Variants in HEATR5A observed in about 807,000 individuals in gnomAD.
HEATR5A encodes the protein HEAT repeat containing 5A.
In HEATR5A, 178 loss-of-function variants were observed where a neutral mutation model predicts 218.8. That is an observed-to-expected ratio of 0.81 (90% CI 0.72 to 0.92). HEATR5A has a LOEUF of 0.92. HEATR5A is among the 40% of genes least tolerant of loss of function. HEATR5A has a pLI of 0.00. For synonymous variants in HEATR5A, 864 were observed against 871.6 expected (o/e 0.99, Z 0.15); for missense variants, 2,420 against 2,418.9 (o/e 1.00, Z -0.01).
chr14:31,298,328 C>A (rs945834310), intron 33 of HEATR5A, among the ~76,000 whole-genome samples: 1 of 152,196 alleles, frequency 6.6e-6, no homozygotes, highest in South Asian at 2.1e-4. Context: ...TCCTTAATTT[C>A]TCTTAGTAGC....
chr14:31,325,881 G>C (rs1415570760), intron 23 of HEATR5A: 5 of 414,228 alleles, frequency 1.2e-5, no homozygotes, highest in African/African-American at 2.0e-5. Flanking sequence ...ACACCTTTTA[G>C]GGCATAAACA....
chr14:31,297,773 G>A (rs767607124), intron 33 of HEATR5A: 15 of 152,082 alleles, frequency 9.9e-5, no homozygotes, highest in African/African-American at 3.6e-4. Context: ...CATGAGGTAG[G>A]TACTCTTATT....
At chr14:31,416,925 A>G (rs1362611579) in intron 1 of HEATR5A, among the ~76,000 whole-genome samples, 1 of 152,026 alleles carries the variant, frequency 6.6e-6, no homozygotes, top group African/African-American at 2.4e-5. Flanking sequence ...GACATAGCAA[A>G]ACCGCCTCTC....
At chr14:31,377,303 T>C (rs1425267986) in intron 11 of HEATR5A, among the ~76,000 whole-genome samples, 2 of 152,014 alleles carry the variant, frequency 1.3e-5, no homozygotes, top group African/African-American at 4.8e-5. Context: ...ATGAACCAAC[T>C]TGAAGGGACT....
intron 23 of HEATR5A, among the ~76,000 whole-genome samples, chr14:31,325,645 A>G (rs1900243692): frequency 6.6e-6 from 1 of 151,972 alleles, no homozygotes; most frequent in African/African-American, 2.4e-5. Flanking sequence ...AGCAGCTGGG[A>G]CTACAGGTGT....
intron 1 of HEATR5A, among the ~76,000 whole-genome samples, chr14:31,406,695 C>T (rs544039662): frequency 4.6e-5 from 7 of 152,294 alleles, no homozygotes; most frequent in South Asian, 2.1e-4. Flanking sequence ...CAGTGGCTCA[C>T]GCTCATAATC....
intron 9 of HEATR5A, among the ~76,000 whole-genome samples, chr14:31,384,734 C>G (rs138497484): frequency 1.8e-4 from 27 of 152,036 alleles, no homozygotes; most frequent in African/African-American, 6.3e-4. Flanking sequence ...ACCATGTTGG[C>G]CAGGTTGGTC....
At chr14:31,304,795 G>T in intron 32 of HEATR5A, 110 bp downstream of exon 32, 1 of 1,045,780 alleles carries the variant, frequency 9.6e-7, no homozygotes. Flanking sequence ...ATACCCAAAT[G>T]TTTGGGTCAG....
rs975363746 is a variant in HEATR5A at position 31,362,840 on chromosome 14, C to T, written c.2071+1349G>A. ...AGAAGATACACTGTAGATTTTAAGT[C>T]GAGATTCTTGTATTCCTAAATGTTT... On this transcript the variant is annotated intron_variant, in intron 14 of 35. Transcript: ENST00000543095. Among the ~76,000 whole-genome samples, 4 of 151,408 alleles carry T rather than the reference C, an allele frequency of 2.6e-5. No individual in the cohort carries two copies. The East Asian group carries it at 7.7e-4, about 29-fold the overall frequency.
Position 31,323,702 on chromosome 14 carries a change from G to C in HEATR5A, c.3650C>G (p.Pro1217Arg). The change falls in exon 24 of 36, where the codon CCT becomes CGT. Residue 1217 changes from proline to arginine, a missense_variant. Coordinates refer to ENST00000543095, the MANE Select transcript of HEATR5A (RefSeq NM_015473.4). ...LTTRRDEKSH[P>R]FTNPRWATRV... is the part of the protein sequence containing the mutation. ...AGTAGCCCATCGGGGATTGGTAAAA[G>C]GATGGGATTTTTCATCACGTCTGGT... 1 of 1,613,676 alleles carries C rather than the reference G, an allele frequency of 6.2e-7. No homozygotes were observed. Among genetic ancestry groups the C allele is most frequent in the East Asian group, 2.2e-5 (1 of 44,848 alleles).
At chr14:31,395,390 C>T (rs2030616224) in intron 4 of HEATR5A, 42 bp from the exon 5 acceptor site, 5 of 1,142,758 alleles carry the variant, frequency 4.4e-6, no homozygotes, top group Non-Finnish European at 6.2e-6. Flanking sequence ...AATAATTAAA[C>T]TGCAAAGAAC....
intron 1 of HEATR5A, among the ~76,000 whole-genome samples, chr14:31,403,284 A>G (rs2030943095): frequency 6.6e-6 from 1 of 152,198 alleles, no homozygotes; most frequent in Non-Finnish European, 1.5e-5. Context: ...TTTGTATGCA[A>G]AAACTTGCTA....
intron 6 of HEATR5A, among the ~76,000 whole-genome samples, chr14:31,391,917 T>G (rs1046124594): frequency 2.6e-5 from 4 of 152,216 alleles, no homozygotes; most frequent in Non-Finnish European, 5.9e-5. Flanking sequence ...TTGTGTAAGT[T>G]CACTCTATGA....
chr14:31,323,380 T>C (rs1595096661), intron 24 of HEATR5A, among the ~76,000 whole-genome samples, 185 bp downstream of exon 24: 1 of 152,244 alleles, frequency 6.6e-6, no homozygotes, highest in South Asian at 2.1e-4. Flanking sequence ...CAGGCTGGTT[T>C]CAAACTCCTG....
Position 31,312,997 on chromosome 14 carries a change from G to A in HEATR5A, c.4412C>T (p.Ser1471Leu). 6.2e-7 allele frequency: 1 copy of A among 1,613,872 alleles called. No homozygotes were observed. The highest frequency in any genetic ancestry group is 8.5e-7 in the Non-Finnish European group (1 of 1,179,794). The change falls in exon 28 of 36, where the codon TCA becomes TTA. Residue 1471 changes from serine (S) to leucine (L), a missense_variant. Ser to Leu is a moderately radical substitution (Grantham distance 145, BLOSUM62 -2). Coordinates refer to ENST00000543095, the MANE Select transcript of HEATR5A (RefSeq NM_015473.4). ...AGCAGGAAGTTGGGAGGCAAATTCT[G>A]AAGGCAAAGTTAAAAGAGCAAAATC... ...LQDFALLTLPSEFASQLPAEG... is the reference protein window; with the variant it reads ...LQDFALLTLPLEFASQLPAEG...
chr14:31,410,259 T>TA lies in HEATR5A; in HGVS notation c.-74-7211dup, dbSNP rs1172160801. ...ACAGCTTCAACTCACCCTATAGTCT[T>TA]AGTTCCTCAGTTCTGAACAAAAAGC... On this transcript the variant is annotated intron_variant, in intron 1 of 35. Transcript: ENST00000543095. Among the ~76,000 whole-genome samples, 3 of 152,278 alleles carry TA rather than the reference T, an allele frequency of 2.0e-5. No individual in the cohort carries two copies. The East Asian group carries it at 5.8e-4, about 29-fold the overall frequency.
chr14:31,370,833 T>C (rs1027554017), intron 13 of HEATR5A, among the ~76,000 whole-genome samples: 2 of 152,218 alleles, frequency 1.3e-5, no homozygotes, highest in Non-Finnish European at 2.9e-5. Flanking sequence ...ACAGTAATTT[T>C]TGCCTGATCA....
At chr14:31,396,203 A>C (rs918779671) in intron 4 of HEATR5A, among the ~76,000 whole-genome samples, 30 of 152,068 alleles carry the variant, frequency 2.0e-4, no homozygotes, top group African/African-American at 7.2e-4. Flanking sequence ...CAAAAAATAC[A>C]ATTTTAGTCA....
At chr14:31,417,620 C>T (rs934366207) in intron 1 of HEATR5A, among the ~76,000 whole-genome samples, 2 of 149,140 alleles carry the variant, frequency 1.3e-5, no homozygotes, top group African/African-American at 4.9e-5. Context: ...CGTGGTGGCA[C>T]GCGCCTATAA....
Sources: gnomAD v4.1 joint callset for allele counts (sites outside exome capture counted in the v4.1 genomes callset) on GRCh38, gnomAD v4.1.1 for gene constraint, MANE v1.5 for transcripts, NCBI Gene and HGNC (gene_info 2026-07-23, HGNC 2026-07-21) for gene names.